The following NLK variants were observed in gnomAD, a reference collection of about 807,000 sequenced individuals.
The protein encoded by NLK is serine/threonine-protein kinase NLK.
A neutral mutation model predicts 59.0 loss-of-function variants in NLK; 11 were observed. That is an observed-to-expected ratio of 0.19 (90% CI 0.12 to 0.31). NLK has a LOEUF of 0.31. NLK is among the 10% of genes least tolerant of loss of function. The probability of loss-of-function intolerance (pLI) is 1.00; values close to 1 mark genes in which losing one functional copy is unlikely to be tolerated. For synonymous variants in NLK, 235 were observed against 235.9 expected (o/e 1.00, Z 0.03); for missense variants, 410 against 661.1 (o/e 0.62, Z 4.16).
At chr17:28,051,079 CAAAAA>C (rs564894359) in intron 1 of NLK, among the ~76,000 whole-genome samples, 1 of 63,416 alleles carries the variant, frequency 1.6e-5, no homozygotes, top group African/African-American at 5.2e-5. Flanking sequence ...GAACCTGTCT[CAAAAA>C]AAAAAAAAAA....
At position 28,122,726 on chromosome 17, in the gene NLK, T is replaced by C. The variant is rs994107689; in HGVS notation, c.582T>C (p.His194=). The C allele has an allele frequency of 1.4e-5, 23 of 1,613,716 alleles. No individual in the cohort carries two copies. The highest frequency in any genetic ancestry group is 1.9e-5 in the Non-Finnish European group (23 of 1,179,796). The change falls in exon 2 of 11, where the codon CAT becomes CAC. Residue 194 remains histidine (H), a synonymous_variant. Coordinates refer to ENST00000407008, the MANE Select transcript of NLK (RefSeq NM_016231.5). ...RELKMLCFFK[H]DNVLSALDIL... is the part of the protein sequence containing the mutation. ...TGAAGATGTTGTGTTTTTTTAAGCA[T>C]GATAATGTAAGTGAAATTGGTATTT... is the stretch of plus-strand genomic sequence containing the variant.
At chr17:28,047,990 G>A (rs987338507) in intron 1 of NLK, 7 of 398,188 alleles carry the variant, frequency 1.8e-5, no homozygotes, top group Non-Finnish European at 2.7e-5. Flanking sequence ...ATTCTTTGGG[G>A]GCTCTGCTTT....
intron 3 of NLK, among the ~76,000 whole-genome samples, chr17:28,146,047 T>A (rs1907233410): frequency 6.6e-6 from 1 of 152,166 alleles, no homozygotes; most frequent in East Asian, 1.9e-4. Flanking sequence ...CTTTGTTCCT[T>A]ATATTCTTTT....
downstream of NLK, among the ~76,000 whole-genome samples, chr17:28,199,568 C>A (rs142525864): frequency 5.4e-3 from 793 of 148,162 alleles, 13 homozygotes; most frequent in African/African-American, 0.018. Flanking sequence ...CAGAAGACTG[C>A]GGCAGGAGAA....
chr17:28,121,072 G>T (rs1270767946), intron 1 of NLK, among the ~76,000 whole-genome samples: 1 of 152,064 alleles, frequency 6.6e-6, no homozygotes, highest in African/African-American at 2.4e-5. Context: ...ATGTCACATG[G>T]ATCAATTCTT....
At chr17:28,081,161 A>C (rs1005734408) in intron 1 of NLK, among the ~76,000 whole-genome samples, 1 of 151,604 alleles carries the variant, frequency 6.6e-6, no homozygotes, top group Non-Finnish European at 1.5e-5. Flanking sequence ...AAGTGCTCAG[A>C]TTAGAGGCAT....
intron 1 of NLK, among the ~76,000 whole-genome samples, chr17:28,071,187 G>T (rs1909996351): frequency 6.6e-6 from 1 of 152,202 alleles, no homozygotes; most frequent in African/African-American, 2.4e-5. Flanking sequence ...CCTCAGTTGA[G>T]AAACACTATT....
In NLK at chr17:28,163,610, C is replaced by T; in HGVS notation, c.819C>T (p.Asn273=). 6.3e-7 allele frequency: 1 copy of T among 1,599,882 alleles called. No homozygotes were observed. Among genetic ancestry groups the T allele is most frequent in the Non-Finnish European group, 8.6e-7 (1 of 1,168,808 alleles). ...RDIKPGNLLV[N]SNCVLKICDF... is the part of the protein sequence containing the mutation. ...TTAAGCCAGGGAATCTCCTTGTGAACAGCAACTGTGTTCTAAAGGTAGCTT... is the reference window on the plus strand; with the variant it reads ...TTAAGCCAGGGAATCTCCTTGTGAATAGCAACTGTGTTCTAAAGGTAGCTT... The change falls in exon 5 of 11, where the codon AAC becomes AAT. Residue 273 remains asparagine, a synonymous_variant. Transcript: ENST00000407008.
intron 2 of NLK, among the ~76,000 whole-genome samples, chr17:28,131,586 T>TAAAAAAAAAAAAAAAAAAAAAAA (rs35804817): frequency 1.2e-5 from 1 of 83,714 alleles, no homozygotes; most frequent in African/African-American, 4.7e-5. Context: ...TTCTCTGTAG[T>TAAAAAAAAAAAAAAAAAAAAAAA]AAAAAAAAAA....
At chr17:28,199,486 T>G (rs930055974), downstream of NLK, among the ~76,000 whole-genome samples, 2 of 151,302 alleles carry the variant, frequency 1.3e-5, no homozygotes, top group Non-Finnish European at 2.9e-5. Context: ...GCCAAAATGG[T>G]GAAAACCCGT....
intron 1 of NLK, among the ~76,000 whole-genome samples, chr17:28,051,147 TGATA>T (rs1451414886): frequency 1.3e-5 from 2 of 151,942 alleles, no homozygotes; most frequent in East Asian, 1.9e-4. Flanking sequence ...GTATTTAGCC[TGATA>T]GTAAATAGAT....
At chr17:28,060,858 T>G (rs1909609386) in intron 1 of NLK, among the ~76,000 whole-genome samples, 1 of 152,188 alleles carries the variant, frequency 6.6e-6, no homozygotes, top group Non-Finnish European at 1.5e-5. Flanking sequence ...CAAAATTGAA[T>G]GCACACGCTC....
At position 28,056,112 on chromosome 17, in the gene NLK, C is replaced by T. The variant is rs117288834; in HGVS notation, c.458+12781C>T. ...TGGTGTATTGTTTACAAGACTTTGACCTGGTATGCGTGGGTGTGTTTGTAG... is the reference window on the plus strand; with the variant it reads ...TGGTGTATTGTTTACAAGACTTTGATCTGGTATGCGTGGGTGTGTTTGTAG... On this transcript the variant is annotated intron_variant, in intron 1 of 10. Transcript: ENST00000407008. 9.9e-5 allele frequency among the ~76,000 whole-genome samples: 15 copies of T among 152,232 alleles called. No individual in the cohort carries two copies. The East Asian group carries it at 2.9e-3, about 29-fold the overall frequency.
At chr17:28,089,217 T>G (rs752146641) in intron 1 of NLK, among the ~76,000 whole-genome samples, 4 of 152,200 alleles carry the variant, frequency 2.6e-5, no homozygotes, top group Non-Finnish European at 4.4e-5. Context: ...TCTACCCCTT[T>G]GTAATATTTT....
rs867449138 is a variant in NLK, at chr17:28,111,917, G to C, written c.459-10686G>C. On this transcript the variant is annotated intron_variant, in intron 1 of 10. Transcript: ENST00000407008. ...GTGTGGTGTGTGTGTGTGTGTGTGT[G>C]TGTGTGTGTGTGTGTGTGTGTGTGT... Among the ~76,000 whole-genome samples, 771 of 147,264 alleles carry C rather than the reference G, an allele frequency of 5.2e-3. 8 individuals carry two copies. The highest frequency in any genetic ancestry group is 0.018 in the African/African-American group (734 of 39,950).
At chr17:28,099,947 T>C (rs1904849589) in intron 1 of NLK, among the ~76,000 whole-genome samples, 1 of 152,224 alleles carries the variant, frequency 6.6e-6, no homozygotes, top group African/African-American at 2.4e-5. Flanking sequence ...ATTTGTTTTA[T>C]ATTATTGAGT....
intron 7 of NLK, among the ~76,000 whole-genome samples, chr17:28,179,872 G>GTTTTTTTTTTTTTT (rs34411493): frequency 1.6e-3 from 125 of 79,410 alleles, no homozygotes; most frequent in Non-Finnish European, 1.9e-3. Flanking sequence ...AGCATTCTTG[G>GTTTTTTTTTTTTTT]TTTTTTTTTT....
chr17:28,133,609 A>G (rs956659276), intron 3 of NLK, among the ~76,000 whole-genome samples: 2 of 152,162 alleles, frequency 1.3e-5, no homozygotes, highest in Non-Finnish European at 2.9e-5. Context: ...CCTCCCTGAC[A>G]TTCCTGGGCA....
At chr17:28,098,675 CTTTTTTTT>C (rs781294029) in intron 1 of NLK, among the ~76,000 whole-genome samples, 1 of 67,570 alleles carries the variant, frequency 1.5e-5, no homozygotes, top group South Asian at 4.7e-4. Context: ...CATTACCATT[CTTTTTTTT>C]TTTTTTTTTT....
Sources: allele counts gnomAD v4.1 joint callset (sites outside exome capture counted in the v4.1 genomes callset), GRCh38; gene constraint gnomAD v4.1.1; transcripts MANE v1.5; gene names NCBI Gene and HGNC (gene_info 2026-07-23, HGNC 2026-07-21).